Variants in MDGA1 observed in about 807,000 individuals in gnomAD.
MDGA1 encodes MAM domain-containing glycosylphosphatidylinositol anchor protein 1.
In MDGA1, 54 loss-of-function variants were observed where a neutral mutation model predicts 101.5. That is an observed-to-expected ratio of 0.53 (90% CI 0.43 to 0.67). The LOEUF is 0.67. MDGA1 is among the 30% of genes least tolerant of loss of function. MDGA1 has a pLI of 0.00. For synonymous variants in MDGA1, 533 were observed against 558.3 expected (o/e 0.95, Z 0.64); for missense variants, 1,083 against 1,323.8 (o/e 0.82, Z 2.82).
At chr6:37,690,818 C>A (rs1472967269) in intron 1 of MDGA1, among the ~76,000 whole-genome samples, 1 of 152,030 alleles carries the variant, frequency 6.6e-6, no homozygotes, top group Non-Finnish European at 1.5e-5. Flanking sequence ...CTAACGGCCC[C>A]AGTTCCCTTT....
chr6:37,679,939 A>C (rs1050224314), intron 1 of MDGA1, among the ~76,000 whole-genome samples: 1 of 152,102 alleles, frequency 6.6e-6, no homozygotes, highest in Non-Finnish European at 1.5e-5. Flanking sequence ...TTCAGGCCAC[A>C]CTGCCTCCCT....
At chr6:37,640,137 T>C (rs1375148284) in intron 14 of MDGA1, among the ~76,000 whole-genome samples, 1 of 151,998 alleles carries the variant, frequency 6.6e-6, no homozygotes, top group Non-Finnish European at 1.5e-5. Flanking sequence ...AGCTCAAACC[T>C]AGGAAGACTT....
chr6:37,638,192 T>G lies in MDGA1; in HGVS notation c.2776+13A>C. The G allele has an allele frequency of 6.2e-7, 1 of 1,608,244 alleles. No homozygotes were observed. The highest frequency in any genetic ancestry group is 8.5e-7 in the Non-Finnish European group (1 of 1,175,192). ...TCCAGATTCAGCTCCCCCACCTCCT[T>G]CCCGTCTTGCACCTTTATTGGGATC... On this transcript the variant is annotated intron_variant, in intron 16 of 16. Transcript: ENST00000434837. This position sits in a 1 kb window ranked among gnomAD's most constrained non-coding sequence, Gnocchi z 4.8.
chr6:37,680,856 G>T (rs926925988), intron 1 of MDGA1, among the ~76,000 whole-genome samples: 12 of 152,374 alleles, frequency 7.9e-5, no homozygotes, highest in African/African-American at 2.9e-4. Context: ...CCCAGTGCCT[G>T]GGAGAGAGGC....
rs1042661115 is a variant in MDGA1 at position 37,673,290 on chromosome 6, G to A, written c.68-9184C>T. Among the ~76,000 whole-genome samples, 9 of 152,238 alleles carry A rather than the reference G, an allele frequency of 5.9e-5. 1 individual carries two copies. Among genetic ancestry groups the A allele is most frequent in the Non-Finnish European group, 7.4e-5 (5 of 68,010 alleles). On this transcript the variant is annotated intron_variant, in intron 1 of 16. Coordinates refer to ENST00000434837, the MANE Select transcript of MDGA1 (RefSeq NM_153487.4). ...ATGCTGTGCAGCATCCTCAGAAACC[G>A]TCCCTCCCTCGCCGTGACACCTCTC...
rs1365193491 is a variant in MDGA1 at position 37,634,002 on chromosome 6, G to A, written c.*3366C>T. On this transcript the variant is annotated 3_prime_UTR_variant, in exon 17 of 17. Transcript: ENST00000434837. This position sits in a 1 kb window ranked among gnomAD's most constrained non-coding sequence, Gnocchi z 4.7. ...GGCTTTCCCAGAGCACAGGGAAAAGGAGAATGAATGAGAAAGAGGTGTCAG... is the reference window on the plus strand; with the variant it reads ...GGCTTTCCCAGAGCACAGGGAAAAGAAGAATGAATGAGAAAGAGGTGTCAG... 4 of 152,454 alleles carry A rather than the reference G, an allele frequency of 2.6e-5. No individual in the cohort carries two copies. Among genetic ancestry groups the A allele is most frequent in the African/African-American group, 9.6e-5 (4 of 41,452 alleles). 9.4% of individuals were successfully genotyped at this position (152,454 alleles called of 1,614,324 possible). A position where few individuals can be genotyped will look rare whatever the true frequency, so the allele number is the denominator to read the frequency against.
chr6:37,658,278 GCACCCCC>G lies in MDGA1; in HGVS notation c.342_348del (p.Gly115ArgfsTer18). ...TCCACGCGGATGGACTTGATGGCCG[GCACCCCC>G]ACGCCGTTCTCAGCCTTGCAGTAGT... On this transcript the variant is annotated frameshift_variant, in exon 3 of 17. Coordinates refer to ENST00000434837, the MANE Select transcript of MDGA1 (RefSeq NM_153487.4). LOFTEE classifies it high-confidence loss of function. The G allele has an allele frequency of 6.2e-7, 1 of 1,607,090 alleles. No homozygotes were observed. The highest frequency in any genetic ancestry group is 1.7e-4 in the Middle Eastern group (1 of 6,036).
intron 1 of MDGA1, among the ~76,000 whole-genome samples, chr6:37,670,722 A>G (rs1008599196): frequency 2.0e-5 from 3 of 152,246 alleles, no homozygotes; most frequent in Non-Finnish European, 4.4e-5. Flanking sequence ...TCTGTCACAG[A>G]TGATGAGGGT....
chr6:37,652,305 C>G lies in MDGA1; in HGVS notation c.1018G>C (p.Val340Leu). ...KNATFQITPD[V>L]IKESENIQLG... ...TGGATGTTCTCACTCTCTTTGATCA[C>G]GTCAGGAGTGATCTGGAATGTAGCG... The change falls in exon 7 of 17, where the codon GTG becomes CTG. Residue 340 changes from valine to leucine, a missense_variant. Physicochemically the swap from Val to Leu is conservative, Grantham distance 32 (BLOSUM62 1). Coordinates refer to ENST00000434837, the MANE Select transcript of MDGA1 (RefSeq NM_153487.4). This position sits in a 1 kb window ranked among gnomAD's most constrained non-coding sequence, Gnocchi z 4.3. 1 of 1,613,642 alleles carries G rather than the reference C, an allele frequency of 6.2e-7. No individual in the cohort carries two copies. The highest frequency in any genetic ancestry group is 8.5e-7 in the Non-Finnish European group (1 of 1,179,700).
chr6:37,660,110 C>G (rs1761587655), intron 2 of MDGA1, among the ~76,000 whole-genome samples: 1 of 149,760 alleles, frequency 6.7e-6, no homozygotes, highest in Admixed American at 6.7e-5. Flanking sequence ...TACTCTTGGG[C>G]TCAAGGATCC....
At chr6:37,681,849 C>T (rs931633170) in intron 1 of MDGA1, among the ~76,000 whole-genome samples, 2 of 152,216 alleles carry the variant, frequency 1.3e-5, no homozygotes, top group African/African-American at 4.8e-5. Flanking sequence ...AGCCCCTGCT[C>T]CCTCAAGTCT....
intron 1 of MDGA1, among the ~76,000 whole-genome samples, chr6:37,689,886 A>G (rs1272186251): frequency 2.0e-5 from 3 of 151,780 alleles, no homozygotes; most frequent in Non-Finnish European, 4.4e-5. Flanking sequence ...CCACCCTCAA[A>G]CCCCTACCAT....
intron 1 of MDGA1, among the ~76,000 whole-genome samples, chr6:37,676,420 C>T (rs1245981688): frequency 6.6e-6 from 1 of 152,236 alleles, no homozygotes; most frequent in Admixed American, 6.5e-5. Context: ...AGAGCTAAAC[C>T]CCAACTCTCA....
intron 2 of MDGA1, among the ~76,000 whole-genome samples, chr6:37,661,640 G>T (rs1761626089): frequency 6.6e-6 from 1 of 152,220 alleles, no homozygotes; most frequent in Admixed American, 6.5e-5. Flanking sequence ...TGGGGATGAT[G>T]GGGAGGCAAG....
At chr6:37,688,695 G>A (rs1208772843) in intron 1 of MDGA1, among the ~76,000 whole-genome samples, 1 of 152,182 alleles carries the variant, frequency 6.6e-6, no homozygotes, top group Non-Finnish European at 1.5e-5. Context: ...CTCTGCTCTC[G>A]TGAAACGGAG....
At position 37,697,138 on chromosome 6, in the gene MDGA1, T is replaced by A. The variant is rs1762439748; in HGVS notation, c.-327A>T. ...GGTACCCAGGGCCGTCCGCGCGGGATGCTAGGCGCCGGGGACCTCTCGGCG... is the reference window on the plus strand; with the variant it reads ...GGTACCCAGGGCCGTCCGCGCGGGAAGCTAGGCGCCGGGGACCTCTCGGCG... On this transcript the variant is annotated 5_prime_UTR_variant, in exon 1 of 17. Transcript: ENST00000434837. 1 of 244,626 alleles carries A rather than the reference T, an allele frequency of 4.1e-6. No homozygotes were observed. Among genetic ancestry groups the A allele is most frequent in the Non-Finnish European group, 7.7e-6 (1 of 130,254 alleles). 15.2% of individuals were successfully genotyped at this position (244,626 alleles called of 1,614,324 possible).
chr6:37,644,450 C>G (rs775634697), intron 13 of MDGA1, 47 bp downstream of exon 13: 3 of 1,476,484 alleles, frequency 2.0e-6, no homozygotes, highest in African/African-American at 2.9e-5. Context: ...GGCCTAGACA[C>G]CCCCCTGAAG....
chr6:37,639,184 AAG>A (rs1764006603), intron 14 of MDGA1: 1 of 157,658 alleles, frequency 6.3e-6, no homozygotes, highest in Non-Finnish European at 1.4e-5. Flanking sequence ...CCCAGTTGGC[AAG>A]AGGAGTATGT....
At chr6:37,675,603 A>G (rs1392176329) in intron 1 of MDGA1, among the ~76,000 whole-genome samples, 1 of 152,164 alleles carries the variant, frequency 6.6e-6, no homozygotes, top group African/African-American at 2.4e-5. Context: ...CACTGGGAGG[A>G]AAAGCTCTCC....
Sources: allele counts gnomAD v4.1 joint callset (sites outside exome capture counted in the v4.1 genomes callset), GRCh38; gene constraint gnomAD v4.1.1; non-coding constraint Gnocchi (gnomAD v3.1); transcripts MANE v1.5; gene names NCBI Gene and HGNC (gene_info 2026-07-23, HGNC 2026-07-21).